BACH2: variants seen among roughly 807,000 people sequenced by gnomAD.
The protein encoded by BACH2 is transcription regulator protein BACH2.
A neutral mutation model predicts 61.8 loss-of-function variants in BACH2; 5 were observed. That is an observed-to-expected ratio of 0.08 (90% confidence interval 0.04 to 0.17). The LOEUF (loss-of-function observed/expected upper bound fraction) is 0.17. Ranked by LOEUF, BACH2 falls within the 10% of genes least tolerant of loss-of-function variation. BACH2 has a pLI of 1.00. For missense variants in BACH2, 824 were observed against 1,091.1 expected (o/e 0.76, Z 3.45); for synonymous variants, 446 against 440.1 (o/e 1.01, Z -0.17).
Position 90,102,233 on chromosome 6 carries a change from C to T in BACH2, c.-161-13124G>A, listed in dbSNP as rs182412884. ...TTTGGGTTATGGTCTTGGTGGCATT[C>T]CTACTGCTGCTGACAGCCCATATAA... On this transcript the variant is annotated intron_variant, in intron 4 of 8. Transcript: ENST00000257749. Among the ~76,000 whole-genome samples, 985 of 152,170 alleles carry T rather than the reference C, an allele frequency of 6.5e-3. 8 individuals carry two copies. The highest frequency in any genetic ancestry group is 0.01 in the Non-Finnish European group (693 of 68,010).
chr6:90,060,031 C>T (rs1303613957), intron 5 of BACH2, among the ~76,000 whole-genome samples: 12 of 149,804 alleles, frequency 8.0e-5, no homozygotes, highest in Admixed American at 3.3e-4. Context: ...TGCTAAATGA[C>T]GAGTTAATGG....
intron 3 of BACH2, among the ~76,000 whole-genome samples, chr6:90,246,589 C>T (rs375968546): frequency 6.6e-6 from 1 of 151,998 alleles, no homozygotes; most frequent in Non-Finnish European, 1.5e-5. Flanking sequence ...AAAAAAAAAT[C>T]ATTTACCTTG....
intron 4 of BACH2, among the ~76,000 whole-genome samples, chr6:90,127,850 T>C (rs1019272763): frequency 4.6e-5 from 7 of 152,344 alleles, no homozygotes; most frequent in African/African-American, 1.7e-4. Flanking sequence ...ATGAAGACCG[T>C]TGACACTTTA....
intron 4 of BACH2, among the ~76,000 whole-genome samples, chr6:90,167,974 A>G (rs189339463): frequency 6.6e-6 from 1 of 152,372 alleles, no homozygotes; most frequent in East Asian, 1.9e-4. Context: ...TCTTTGACCT[A>G]GAAAATCACT....
At chr6:90,152,891 T>C (rs868176727) in intron 4 of BACH2, among the ~76,000 whole-genome samples, 3 of 152,174 alleles carry the variant, frequency 2.0e-5, no homozygotes, top group Admixed American at 2.0e-4. Flanking sequence ...AATATTACTA[T>C]GGATAATGGT....
chr6:90,267,517 C>T, intron 2 of BACH2, among the ~76,000 whole-genome samples: 1 of 152,152 alleles, frequency 6.6e-6, no homozygotes, highest in East Asian at 1.9e-4. Context: ...ATGCATGAGT[C>T]ACTGACTCCG....
At chr6:90,096,634 T>C (rs570276445) in intron 4 of BACH2, among the ~76,000 whole-genome samples, 7 of 152,300 alleles carry the variant, frequency 4.6e-5, no homozygotes, top group African/African-American at 1.7e-4. Flanking sequence ...CAGGTACACA[T>C]AGAGGAACCA....
At chr6:89,999,252 C>T (rs920308180) in intron 6 of BACH2, among the ~76,000 whole-genome samples, 4 of 152,180 alleles carry the variant, frequency 2.6e-5, no homozygotes, top group Admixed American at 2.6e-4. Context: ...GTATTAACAG[C>T]GAACAGGAAA....
At chr6:90,032,407 G>C (rs1208415157) in intron 5 of BACH2, among the ~76,000 whole-genome samples, 1 of 120,756 alleles carries the variant, frequency 8.3e-6, no homozygotes, top group Non-Finnish European at 1.6e-5. Context: ...ACTACCATCA[G>C]AGTGAACAGG....
chr6:90,154,648 C>T (rs1784933769), intron 4 of BACH2, among the ~76,000 whole-genome samples: 1 of 152,162 alleles, frequency 6.6e-6, no homozygotes, highest in South Asian at 2.1e-4. Context: ...CCAAGGAGCA[C>T]TGCACCTTCT....
intron 6 of BACH2, among the ~76,000 whole-genome samples, chr6:89,952,261 C>A (rs1052016221): frequency 6.6e-6 from 1 of 152,170 alleles, no homozygotes; most frequent in African/African-American, 2.4e-5. Context: ...CTTCTTGCAG[C>A]TTGCTGGAGC....
chr6:90,025,621 G>T (rs1778596126), intron 5 of BACH2, among the ~76,000 whole-genome samples: 1 of 152,140 alleles, frequency 6.6e-6, no homozygotes, highest in Non-Finnish European at 1.5e-5. Context: ...TGTAGCCAGA[G>T]AAATATTACC....
At chr6:90,143,915 G>A (rs1421811797) in intron 4 of BACH2, among the ~76,000 whole-genome samples, 1 of 151,740 alleles carries the variant, frequency 6.6e-6, no homozygotes, top group East Asian at 1.9e-4. Context: ...GTGGAGATCT[G>A]CTATGACATT....
intron 6 of BACH2, among the ~76,000 whole-genome samples, chr6:90,007,616 C>T (rs974519458): frequency 6.6e-6 from 1 of 152,182 alleles, no homozygotes; most frequent in Non-Finnish European, 1.5e-5. Context: ...TGATTTAATA[C>T]TGGTTGTAAC....
chr6:89,968,696 A>C (rs947702958), intron 6 of BACH2, among the ~76,000 whole-genome samples: 1 of 152,224 alleles, frequency 6.6e-6, no homozygotes, highest in African/African-American at 2.4e-5. Flanking sequence ...AACTTGAAAG[A>C]AGCAAAAAAT....
intron 1 of BACH2, among the ~76,000 whole-genome samples, chr6:90,279,607 C>G (rs971959099): frequency 1.3e-5 from 2 of 151,358 alleles, no homozygotes; most frequent in African/African-American, 4.9e-5. Context: ...GACATACGTA[C>G]AGCAAACATT....
intron 3 of BACH2, among the ~76,000 whole-genome samples, chr6:90,218,978 C>T (rs958072861): frequency 5.3e-5 from 8 of 150,344 alleles, no homozygotes; most frequent in South Asian, 2.1e-4. Flanking sequence ...TGAGAGTGCA[C>T]GCAAGAGAGA....
rs114331410 is a variant in BACH2 at position 90,252,930 on chromosome 6, C to G, written c.-352-340G>C. On this transcript the variant is annotated intron_variant, in intron 2 of 8. Coordinates refer to ENST00000257749, the MANE Select transcript of BACH2 (RefSeq NM_021813.4). The stretch of plus-strand genomic sequence containing the variant: ...TTCTCAAGGCCAGATAAGCCACAGT[C>G]CCTCTCAAACTGCTCAGAAAGAGTA... 4.8e-3 allele frequency among the ~76,000 whole-genome samples: 733 copies of G among 152,276 alleles called. 7 individuals carry two copies. Among genetic ancestry groups the G allele is most frequent in the African/African-American group, 0.017 (691 of 41,554 alleles).
intron 2 of BACH2, among the ~76,000 whole-genome samples, chr6:90,262,772 C>T (rs558180217): frequency 6.6e-6 from 1 of 152,192 alleles, no homozygotes; most frequent in Non-Finnish European, 1.5e-5. Context: ...CTACGTAAGA[C>T]AGCCACAAAG....
Sources: allele counts gnomAD v4.1 joint callset (sites outside exome capture counted in the v4.1 genomes callset), GRCh38; gene constraint gnomAD v4.1.1; transcripts MANE v1.5; gene names NCBI Gene and HGNC (gene_info 2026-07-23, HGNC 2026-07-21).